SMAGP: variants seen among roughly 807,000 people sequenced by gnomAD.
The protein encoded by SMAGP is small cell adhesion glycoprotein, also known as small cell transmembrane and glycosylated protein.
SMAGP carries 7 observed loss-of-function variants against 10.1 expected under a neutral mutation model. The observed-to-expected ratio is 0.70, with a 90% CI of 0.40 to 1.31. The LOEUF (loss-of-function observed/expected upper bound fraction) is 1.31, where lower values mean the gene tolerates loss of function less well. SMAGP is among the 50% of genes most tolerant of loss of function. The pLI, the probability that SMAGP is intolerant of heterozygous loss-of-function variation, is 0.01. For synonymous variants in SMAGP, 49 were observed against 47.2 expected, an observed-to-expected ratio of 1.04 and a Z score of -0.16; for missense variants, 113 against 116.5, an observed-to-expected ratio of 0.97 and a Z score of 0.14.
In SMAGP at chr12:51,246,628, G is replaced by GTA. The variant is rs1944775458; in HGVS notation, c.115+122_115+123insTA. 1.2e-5 allele frequency: 7 copies of GTA among 604,220 alleles called. No individual in the cohort carries two copies. The East Asian group carries it at 2.1e-4, about 19-fold the overall frequency. The allele number at this position is 604,220 out of a possible 1,614,324, so 37.4% of individuals were successfully genotyped here. The stretch of plus-strand genomic sequence containing the variant: ...GCTGTGTGTGTGTGTGTGTGTGTGT[G>GTA]TGTGTGTGTGTAATATAACTTACAA... On this transcript the variant is annotated intron_variant, in intron 3 of 3. Transcript: ENST00000603798.
chr12:51,249,837 G>A (rs1273106483), intron 2 of SMAGP, among the ~76,000 whole-genome samples: 1 of 151,452 alleles, frequency 6.6e-6, no homozygotes, highest in Admixed American at 6.6e-5. Context: ...GGCTGGTCTC[G>A]AACTCCTGGC....
chr12:51,246,504 T>TA lies in SMAGP; in HGVS notation c.115+246dup. ...ACATATATCCTCGTCCCTACCCACG[T>TA]ACTCAAGTGTAACGTCCGTATGCAT... On this transcript the variant is annotated intron_variant, in intron 3 of 3. Coordinates refer to ENST00000603798, the MANE Select transcript of SMAGP (RefSeq NM_001031628.2). 4 of 446,038 alleles carry TA rather than the reference T, an allele frequency of 9.0e-6. No individual in the cohort carries two copies. The South Asian group carries it at 1.9e-4, about 21-fold the overall frequency. 27.6% of individuals were successfully genotyped at this position (446,038 alleles called of 1,614,324 possible). A position where few individuals can be genotyped will look rare whatever the true frequency, so the allele number is the denominator to read the frequency against.
Position 51,246,234 on chromosome 12 carries a change from C to G in SMAGP, c.116-115G>C, listed in dbSNP as rs527317430. The G allele has an allele frequency of 2.4e-5, 35 of 1,437,090 alleles. 1 individual carries two copies. The South Asian group carries it at 4.4e-4, about 18-fold the overall frequency. The allele number at this position is 1,437,090 out of a possible 1,614,324, so 89.0% of individuals were successfully genotyped here. A position where few individuals can be genotyped will look rare whatever the true frequency, so the allele number is the denominator to read the frequency against. On this transcript the variant is annotated intron_variant, in intron 3 of 3. Transcript: ENST00000603798. ...GTAAAGATCCTCTTGTTTTCATTAA[C>G]TAGTGTCCACTTCCATCCAAACCCA...
At chr12:51,254,876 G>A (rs373089588) in intron 2 of SMAGP, among the ~76,000 whole-genome samples, 4 of 152,322 alleles carry the variant, frequency 2.6e-5, no homozygotes, top group African/African-American at 9.6e-5. Flanking sequence ...CAGTATGGAG[G>A]CCCCTGAGTG....
chr12:51,267,293 C>T (rs2137312550), intron 2 of SMAGP, among the ~76,000 whole-genome samples: 1 of 152,178 alleles, frequency 6.6e-6, no homozygotes, highest in South Asian at 2.1e-4. Context: ...TGTAGCTTCA[C>T]ACATGGTATG....
intron 1 of SMAGP, chr12:51,270,051 C>T (rs942895009): frequency 4.0e-5 from 6 of 151,800 alleles, no homozygotes; most frequent in South Asian, 4.1e-4. Flanking sequence ...CCGAGCCCCC[C>T]GCGTTACCAG....
rs1191454959 is a variant in SMAGP at position 51,246,750 on chromosome 12, C to T, written c.115+1G>A. On this transcript the variant is annotated splice_donor_variant, in intron 3 of 3. Transcript: ENST00000603798. LOFTEE classifies it high-confidence loss of function. ...CTTGGAGTTGGCTCAGAGTCTATTA[C>T]CTGCAATGAGTGCTGTGCTGGCTCC... 4 of 1,576,212 alleles carry T rather than the reference C, an allele frequency of 2.5e-6. No individual in the cohort carries two copies. In the East Asian group the frequency reaches 6.9e-5, roughly 27 times the overall value.
chr12:51,264,513 C>T (rs920180652), intron 2 of SMAGP, among the ~76,000 whole-genome samples: 35 of 151,832 alleles, frequency 2.3e-4, no homozygotes, highest in African/African-American at 8.0e-4. Context: ...GCAGTCCCAG[C>T]TGCTCAGGAG....
At chr12:51,260,206 C>CTTT (rs1274632737) in intron 2 of SMAGP, among the ~76,000 whole-genome samples, 122 of 104,884 alleles carry the variant, frequency 1.2e-3, no homozygotes, top group Non-Finnish European at 1.6e-3. Flanking sequence ...GTCATGGTTT[C>CTTT]TTTTTTTTTT....
At chr12:51,270,027 T>C (rs1353490188) in intron 1 of SMAGP, 3 of 151,184 alleles carry the variant, frequency 2.0e-5, no homozygotes, top group Admixed American at 1.3e-4. Context: ...CCCGCCCCCG[T>C]CCCCGCCCCC....
intron 3 of SMAGP, 31 bp downstream of exon 3, chr12:51,246,720 G>C (rs1276390673): frequency 6.7e-7 from 1 of 1,498,538 alleles, no homozygotes; most frequent in Non-Finnish European, 8.9e-7. Context: ...TGATCCAGAA[G>C]GTCCCTTGGA....
At chr12:51,260,109 C>T (rs981952122) in intron 2 of SMAGP, among the ~76,000 whole-genome samples, 2 of 151,818 alleles carry the variant, frequency 1.3e-5, no homozygotes, top group African/African-American at 4.8e-5. Flanking sequence ...TTATTTTAGG[C>T]ACCAGCAATA....
Position 51,244,683 on chromosome 12 carries a change from G to C in SMAGP, c.*1258C>G, listed in dbSNP as rs1322695711. The C allele has an allele frequency of 6.6e-6, 1 of 152,072 alleles. No individual in the cohort carries two copies. The highest frequency in any genetic ancestry group is 1.5e-5 in the Non-Finnish European group (1 of 68,024). 9.4% of individuals were successfully genotyped at this position (152,072 alleles called of 1,614,324 possible). On this transcript the variant is annotated 3_prime_UTR_variant, in exon 4 of 4. Coordinates refer to ENST00000603798, the MANE Select transcript of SMAGP (RefSeq NM_001031628.2). ...GAGACTAAAATCCAAGAAGCTTCTT[G>C]GCTTGATTCTGAGGATACACTGGGA... is the stretch of plus-strand genomic sequence containing the variant.
intron 2 of SMAGP, among the ~76,000 whole-genome samples, chr12:51,252,238 C>G (rs937334443): frequency 2.0e-5 from 3 of 148,790 alleles, no homozygotes; most frequent in Non-Finnish European, 4.5e-5. Context: ...GGACTACAGG[C>G]GCATGTCACC....
chr12:51,248,434 A>ACACACACACACACTCTCACTCTCTCT (rs1188710796), intron 2 of SMAGP, among the ~76,000 whole-genome samples: 4 of 77,468 alleles, frequency 5.2e-5, no homozygotes, highest in African/African-American at 2.0e-4. Context: ...ACACACACAC[A>ACACACACACACACTCTCACTCTCTCT]CTCTCTCTCT....
intron 2 of SMAGP, among the ~76,000 whole-genome samples, chr12:51,258,955 T>C (rs965199695): frequency 8.2e-6 from 1 of 121,652 alleles, no homozygotes; most frequent in Admixed American, 1.1e-4. Context: ...AAAGCCAGCC[T>C]GGGCAACATG....
intron 2 of SMAGP, among the ~76,000 whole-genome samples, chr12:51,254,319 C>T (rs367940360): frequency 1.3e-5 from 2 of 152,040 alleles, no homozygotes; most frequent in Non-Finnish European, 2.9e-5. Flanking sequence ...GAGGCCGAGG[C>T]GGGTGGATCA....
intron 2 of SMAGP, among the ~76,000 whole-genome samples, chr12:51,263,561 T>C (rs925688287): frequency 3.3e-5 from 5 of 152,180 alleles, no homozygotes; most frequent in Non-Finnish European, 5.9e-5. Context: ...GAGACCAGAC[T>C]GGGCAACACA....
chr12:51,251,626 A>G (rs567800043), intron 2 of SMAGP: 16 of 152,060 alleles, frequency 1.1e-4, no homozygotes, highest in Non-Finnish European at 1.8e-4. Flanking sequence ...GTGGGAGGAA[A>G]CCAGATGATC....
Sources: gnomAD v4.1 joint callset for allele counts (sites outside exome capture counted in the v4.1 genomes callset) on GRCh38, gnomAD v4.1.1 for gene constraint, MANE v1.5 for transcripts, NCBI Gene and HGNC (gene_info 2026-07-23, HGNC 2026-07-21) for gene names.